Variants in PDXDC1 observed in about 807,000 individuals in gnomAD.
PDXDC1 encodes the protein pyridoxal dependent decarboxylase domain containing 1.
Under a neutral mutation model 100.1 loss-of-function variants are expected in PDXDC1, and 42 were observed. The ratio of observed to expected loss-of-function variants is 0.42; its 90% CI spans 0.33 to 0.54. The LOEUF (loss-of-function observed/expected upper bound fraction) is 0.54, where lower values mean the gene tolerates loss of function less well. Among genes scored for constraint, PDXDC1 ranks in the 20% least tolerant of loss-of-function variants. The pLI is 0.10. For missense variants in PDXDC1, 636 were observed against 979.2 expected (o/e 0.65, Z 4.68); for synonymous variants, 260 against 371.7 (o/e 0.70, Z 3.46).
At chr16:15,146,443 G>A in the PDXDC1 span, among the ~76,000 whole-genome samples, 3 of 152,122 alleles carry the variant, frequency 2.0e-5, no homozygotes, top group Non-Finnish European at 4.4e-5. Flanking sequence ...GAGTGAGGAC[G>A]ATACTCGCGG....
intron 16 of PDXDC1, among the ~76,000 whole-genome samples, chr16:15,058,737 AAAG>A (rs762793410): frequency 5.3e-5 from 8 of 152,242 alleles, no homozygotes; most frequent in Non-Finnish European, 8.8e-5. Context: ...GTCTCAAAAA[AAAG>A]AATGATGAAC....
At chr16:15,058,562 A>C (rs919596211) in intron 16 of PDXDC1, among the ~76,000 whole-genome samples, 1 of 151,900 alleles carries the variant, frequency 6.6e-6, no homozygotes, top group Non-Finnish European at 1.5e-5. Context: ...CTCCATCTCT[A>C]CTAAAAATAC....
rs1218749334 is a variant in PDXDC1 at position 15,095,831 on chromosome 16, C to T, written c.1400-43048C>T. Among the ~76,000 whole-genome samples the T allele has an allele frequency of 4.8e-5, 7 of 146,508 alleles. No individual in the cohort carries two copies. In the South Asian group the frequency reaches 8.7e-4, roughly 18 times the overall value. On this transcript the variant is annotated intron_variant, in intron 16 of 16. Coordinates refer to the PDXDC1 transcript ENST00000535621. ...TGCCATTGCACTCCAGCCTGGGTGACGAGTGAAACTGTGTCTCAAAAAAAA... is the reference window on the plus strand; with the variant it reads ...TGCCATTGCACTCCAGCCTGGGTGATGAGTGAAACTGTGTCTCAAAAAAAA...
downstream of PDXDC1, among the ~76,000 whole-genome samples, chr16:15,041,963 A>G (rs887834440): frequency 1.3e-5 from 2 of 152,160 alleles, no homozygotes; most frequent in African/African-American, 4.8e-5. Flanking sequence ...GCGGGGACCC[A>G]TGGATTTATA....
At chr16:15,010,671 AACTG>A (rs1361862244) in intron 8 of PDXDC1, among the ~76,000 whole-genome samples, 12 of 152,398 alleles carry the variant, frequency 7.9e-5, no homozygotes, top group South Asian at 6.2e-4. Flanking sequence ...CAAAAAAAAT[AACTG>A]ACAGATTAGA....
In PDXDC1 at chr16:15,036,217, G is replaced by C; in HGVS notation, c.2309G>C (p.Gly770Ala). The change falls in exon 23 of 23, where the codon GGG (glycine) becomes GCG (alanine). Residue 770 changes from glycine to alanine, a missense_variant. Gly to Ala is a moderately conservative substitution (Grantham distance 60). Coordinates refer to ENST00000396410, the MANE Select transcript of PDXDC1 (RefSeq NM_015027.4). ...HTDQTEAFQKGVPHPEDDHSQ... is the reference protein window; with the variant it reads ...HTDQTEAFQKAVPHPEDDHSQ... ...GACCAGACCGAGGCCTTCCAGAAAG[G>C]GGTCCCACACCCAGAAGATGACCAC... The C allele has an allele frequency of 6.2e-7, 1 of 1,614,052 alleles. No individual in the cohort carries two copies. Among genetic ancestry groups the C allele is most frequent in the Non-Finnish European group, 8.5e-7 (1 of 1,179,960 alleles).
intron 16 of PDXDC1, chr16:15,131,419 G>C: frequency 1.9e-6 from 3 of 1,608,056 alleles, no homozygotes; most frequent in Non-Finnish European, 2.5e-6. Flanking sequence ...ACTGAGGTTA[G>C]CCGGGGCCCT....
chr16:15,088,943 G>A (rs2046010838), intron 16 of PDXDC1, among the ~76,000 whole-genome samples: 1 of 152,012 alleles, frequency 6.6e-6, no homozygotes, highest in African/African-American at 2.4e-5. Context: ...GCCCAGCCAA[G>A]AGTGGACATG....
chr16:14,975,261 CG>C, intron 1 of PDXDC1, 41 bp downstream of exon 1: 2 of 1,383,374 alleles, frequency 1.4e-6, no homozygotes. Context: ...TGCTGCGGCC[CG>C]GGGCTCCCGC....
chr16:15,011,007 A>C (rs1292648976), intron 8 of PDXDC1, among the ~76,000 whole-genome samples: 5 of 152,302 alleles, frequency 3.3e-5, no homozygotes, highest in African/African-American at 9.6e-5. Context: ...TTCCCAAACT[A>C]ATCTGTAGAT....
chr16:15,037,961 C>G lies in PDXDC1; in HGVS notation c.*1686C>G. Reference sequence around the variant, plus strand: ...GACCCAACAGATGTAGGATCCAGATCTGGATTCGTGCCAGCCCCACCAATG... The same window carrying G: ...GACCCAACAGATGTAGGATCCAGATGTGGATTCGTGCCAGCCCCACCAATG... On this transcript the variant is annotated 3_prime_UTR_variant, in exon 23 of 23. Coordinates refer to ENST00000396410, the MANE Select transcript of PDXDC1 (RefSeq NM_015027.4). 8.7e-7 allele frequency: 1 copy of G among 1,151,330 alleles called. No individual in the cohort carries two copies. Among genetic ancestry groups the G allele is most frequent in the Non-Finnish European group, 1.3e-6 (1 of 783,326 alleles). 71.3% of individuals were successfully genotyped at this position (1,151,330 alleles called of 1,614,324 possible).
intron 1 of PDXDC1, among the ~76,000 whole-genome samples, chr16:14,981,118 A>T (rs1597254253): frequency 6.6e-6 from 1 of 152,420 alleles, no homozygotes. Flanking sequence ...ACCAGGAAGG[A>T]TTATGTGAAA....
At chr16:15,125,712 C>A (rs757142323) in intron 16 of PDXDC1, 7 of 1,393,920 alleles carry the variant, frequency 5.0e-6, no homozygotes, top group Middle Eastern at 2.5e-4. Flanking sequence ...GGCCTGAGAA[C>A]GTGAGGAAGG....
At chr16:15,086,251 G>A (rs750627900) in intron 16 of PDXDC1, 2 of 1,577,568 alleles carry the variant, frequency 1.3e-6, no homozygotes, top group Non-Finnish European at 1.7e-6. Context: ...ATTCAACCAA[G>A]GCAATCTCTA....
chr16:15,039,477 T>C (rs1049697407), downstream of PDXDC1, among the ~76,000 whole-genome samples: 19 of 152,228 alleles, frequency 1.2e-4, no homozygotes, highest in African/African-American at 4.3e-4. Context: ...TTTCTAACTT[T>C]TAAAATTACA....
rs556826706 is a variant in PDXDC1 at position 15,133,337 on chromosome 16, G to A, written c.1400-5542G>A. The A allele has an allele frequency of 6.0e-4, 755 of 1,268,720 alleles. 4 individuals carry two copies. In the East Asian group the frequency reaches 6.1e-3, roughly 10 times the overall value. 78.6% of individuals were successfully genotyped at this position (1,268,720 alleles called of 1,614,324 possible). ...GGGATCGGCCTGCCGCAGCAGCCCCGGGAGCACACTAGCGGTGAGCCCGTG... is the reference window on the plus strand; with the variant it reads ...GGGATCGGCCTGCCGCAGCAGCCCCAGGAGCACACTAGCGGTGAGCCCGTG... On this transcript the variant is annotated intron_variant, in intron 16 of 16. Transcript: ENST00000535621.
At chr16:15,101,482 G>A (rs1029558406) in intron 16 of PDXDC1, among the ~76,000 whole-genome samples, 3 of 151,906 alleles carry the variant, frequency 2.0e-5, no homozygotes, top group Non-Finnish European at 2.9e-5. Flanking sequence ...ATGCCCAGCT[G>A]TTTTTTGTAG....
chr16:15,124,446 A>T (rs1265221267), intron 16 of PDXDC1, among the ~76,000 whole-genome samples: 1 of 152,116 alleles, frequency 6.6e-6, no homozygotes, highest in African/African-American at 2.4e-5. Flanking sequence ...CTTTACCATA[A>T]ATAGAAAAAC....
In PDXDC1 at chr16:15,131,303, G is replaced by C. The variant is rs201186452; in HGVS notation, c.1400-7576G>C. On this transcript the variant is annotated intron_variant, in intron 16 of 16. Coordinates refer to the PDXDC1 transcript ENST00000535621. Reference sequence around the variant, plus strand: ...TCGATGGGGATCTGGGCGCCGGCCTGTGTCTGGAACGCCATCGAGGCCACC... The same window carrying C: ...TCGATGGGGATCTGGGCGCCGGCCTCTGTCTGGAACGCCATCGAGGCCACC... 1.5e-3 allele frequency: 2,398 copies of C among 1,573,656 alleles called. 31 individuals are homozygous for C. In the South Asian group the frequency reaches 0.018, roughly 12 times the overall value.
Sources: gnomAD v4.1 joint callset for allele counts (sites outside exome capture counted in the v4.1 genomes callset) on GRCh38, gnomAD v4.1.1 for gene constraint, MANE v1.5 for transcripts, NCBI Gene and HGNC (gene_info 2026-07-23, HGNC 2026-07-21) for gene names.